Variants in DACH1 observed in about 807,000 individuals in gnomAD.
DACH1 encodes dachshund homolog 1.
A neutral mutation model predicts 54.2 loss-of-function variants in DACH1; 12 were observed. That is an observed-to-expected ratio of 0.22 (90% CI 0.14 to 0.36). The LOEUF (loss-of-function observed/expected upper bound fraction) is 0.36, where lower values mean the gene tolerates loss of function less well. Among genes scored for constraint, DACH1 ranks in the 10% least tolerant of loss-of-function variants. The pLI is 1.00. For synonymous variants in DACH1, 386 were observed against 366.2 expected (o/e 1.05, Z -0.62); for missense variants, 805 against 929.8 (o/e 0.87, Z 1.75).
intron 3 of DACH1, among the ~76,000 whole-genome samples, chr13:71,608,831 T>C (rs965490457): frequency 1.3e-5 from 2 of 152,090 alleles, no homozygotes; most frequent in Admixed American, 1.3e-4. Flanking sequence ...AAACTTTACA[T>C]GCACTGGCCA....
At chr13:71,769,393 AC>A (rs1885763309) in intron 1 of DACH1, among the ~76,000 whole-genome samples, 1 of 151,702 alleles carries the variant, frequency 6.6e-6, no homozygotes, top group Non-Finnish European at 1.5e-5. Context: ...TAGTTTTCAA[AC>A]TTTTGTGTGC....
At chr13:71,638,978 A>T (rs906311630) in intron 2 of DACH1, among the ~76,000 whole-genome samples, 1 of 152,116 alleles carries the variant, frequency 6.6e-6, no homozygotes, top group Non-Finnish European at 1.5e-5. Context: ...TCTGCTCCTG[A>T]CAGTTCCTAT....
At chr13:71,550,696 G>A (rs915395178) in intron 6 of DACH1, among the ~76,000 whole-genome samples, 3 of 152,078 alleles carry the variant, frequency 2.0e-5, no homozygotes, top group East Asian at 1.9e-4. Flanking sequence ...GCTGAGCTAC[G>A]GCTTTGCATA....
At chr13:71,649,531 T>TAGA (rs1878528995) in intron 2 of DACH1, among the ~76,000 whole-genome samples, 1 of 152,156 alleles carries the variant, frequency 6.6e-6, no homozygotes, top group Non-Finnish European at 1.5e-5. Flanking sequence ...CTGTGTAAGG[T>TAGA]AGAACATAAG....
chr13:71,464,506 T>A (rs1421113037), intron 10 of DACH1: 2 of 370,158 alleles, frequency 5.4e-6, no homozygotes, highest in South Asian at 4.1e-5. Flanking sequence ...TTAAAGAAGA[T>A]AAATATTTCA....
chr13:71,748,896 T>TCTCTCTCTCTC (rs1566476848), intron 1 of DACH1, among the ~76,000 whole-genome samples: 1 of 64,946 alleles, frequency 1.5e-5, no homozygotes, highest in Non-Finnish European at 2.9e-5. Context: ...CTTTCTTTCT[T>TCTCTCTCTCTC]TCTCTTTCTT....
intron 6 of DACH1, among the ~76,000 whole-genome samples, chr13:71,501,482 A>C (rs1203308773): frequency 1.3e-5 from 2 of 152,208 alleles, no homozygotes; most frequent in African/African-American, 4.8e-5. Flanking sequence ...AACATTAAAA[A>C]TATGTACAGA....
Position 71,630,519 on chromosome 13 carries a change from A to C in DACH1, c.1126+37T>G. On this transcript the variant is annotated intron_variant, in intron 3 of 10. Coordinates refer to ENST00000613252, the MANE Select transcript of DACH1 (RefSeq NM_080759.6). The stretch of plus-strand genomic sequence containing the variant: ...AGCATTTACTGTAATTCAGTAGCAA[A>C]GTGATCACAATAAGTTTCAGCGAAC... 3.9e-6 allele frequency: 6 copies of C among 1,526,654 alleles called. No individual in the cohort carries two copies. The South Asian group carries it at 7.9e-5, about 20-fold the overall frequency. The allele number at this position is 1,526,654 out of a possible 1,614,324, so 94.6% of individuals were successfully genotyped here. A position where few individuals can be genotyped will look rare whatever the true frequency, so the allele number is the denominator to read the frequency against.
At chr13:71,500,153 A>T (rs1796734194) in intron 6 of DACH1, among the ~76,000 whole-genome samples, 1 of 152,172 alleles carries the variant, frequency 6.6e-6, no homozygotes, top group African/African-American at 2.4e-5. Context: ...TTGTGCTGTG[A>T]CCTTGGCCAA....
intron 3 of DACH1, among the ~76,000 whole-genome samples, chr13:71,607,281 T>C (rs922123441): frequency 1.3e-5 from 2 of 152,026 alleles, no homozygotes; most frequent in Non-Finnish European, 1.5e-5. Context: ...TTCTATTTGA[T>C]ATTTAAAAAT....
chr13:71,475,870 A>AT (rs753698046), intron 8 of DACH1, 21 bp from the exon 9 acceptor site: 1 of 1,440,884 alleles, frequency 6.9e-7, no homozygotes, highest in African/African-American at 1.5e-5. Flanking sequence ...GTGTATGCAT[A>AT]TTATTATTAT....
intron 10 of DACH1, 146 bp downstream of exon 10, chr13:71,474,995 A>G: frequency 1.5e-6 from 1 of 662,672 alleles, no homozygotes; most frequent in South Asian, 1.8e-5. Flanking sequence ...GAATTCACTC[A>G]TATAAACAAG....
chr13:71,668,159 T>A (rs895284068), intron 2 of DACH1, among the ~76,000 whole-genome samples: 11 of 151,926 alleles, frequency 7.2e-5, no homozygotes, highest in African/African-American at 2.7e-4. Context: ...AACTAAACAT[T>A]TTATTGCCTT....
At chr13:71,442,593 G>A (rs1448719815) in intron 10 of DACH1, among the ~76,000 whole-genome samples, 1 of 152,110 alleles carries the variant, frequency 6.6e-6, no homozygotes, top group Non-Finnish European at 1.5e-5. Context: ...CTTTTGCACA[G>A]AGTATACAGT....
intron 1 of DACH1, among the ~76,000 whole-genome samples, chr13:71,861,717 C>T (rs1343300202): frequency 6.6e-6 from 1 of 151,928 alleles, no homozygotes; most frequent in East Asian, 1.9e-4. Flanking sequence ...AGCAGAGTCT[C>T]TCTTCATTTG....
In DACH1 at chr13:71,559,898, C is replaced by G; in HGVS notation, c.1357G>C (p.Gly453Arg). The G allele has an allele frequency of 6.2e-7, 1 of 1,610,084 alleles. No individual in the cohort carries two copies. The highest frequency in any genetic ancestry group is 1.1e-5 in the South Asian group (1 of 90,624). Residue 453 changes from glycine (G) to arginine (R), a missense_variant, in exon 5 of 11, where the codon GGC becomes CGC. This residue lies in a region of DACH1 where 472 missense variants were observed against 545.3 expected (regional missense o/e 0.87). Coordinates refer to ENST00000613252, the MANE Select transcript of DACH1 (RefSeq NM_080759.6). The part of the protein sequence containing the change: ...APSLEEGRRP[G>R]SHPSSHRSSS... Reference sequence around the variant, plus strand: ...CTGCGATGTGATGATGGGTGACTGCCAGGCCTTCTCCCCTCCTCCAGAGAG... The same window carrying G: ...CTGCGATGTGATGATGGGTGACTGCGAGGCCTTCTCCCCTCCTCCAGAGAG...
intron 1 of DACH1, among the ~76,000 whole-genome samples, chr13:71,857,107 C>A (rs1370453640): frequency 6.6e-6 from 1 of 151,624 alleles, no homozygotes; most frequent in Admixed American, 6.6e-5. Context: ...AATACCCAAT[C>A]GTTTAATATC....
At chr13:71,626,812 C>T (rs1023602879) in intron 3 of DACH1, among the ~76,000 whole-genome samples, 7 of 151,976 alleles carry the variant, frequency 4.6e-5, no homozygotes, top group Admixed American at 3.3e-4. Context: ...GAATGAGCAC[C>T]TGCCTGCTTT....
At position 71,439,157 on chromosome 13, in the gene DACH1, G is replaced by T. The variant is rs891218293; in HGVS notation, c.*1498C>A. On this transcript the variant is annotated 3_prime_UTR_variant, in exon 11 of 11. Coordinates refer to ENST00000613252, the MANE Select transcript of DACH1 (RefSeq NM_080759.6). ...ACATTGAAGATTTTGCTGTTTTGTGGTAATAAATAATGTTACGATCATACA... is the reference window on the plus strand; with the variant it reads ...ACATTGAAGATTTTGCTGTTTTGTGTTAATAAATAATGTTACGATCATACA... The T allele has an allele frequency of 3.3e-5, 5 of 152,312 alleles. No individual in the cohort carries two copies. The highest frequency in any genetic ancestry group is 1.2e-4 in the African/African-American group (5 of 41,412). 9.4% of individuals were successfully genotyped at this position (152,312 alleles called of 1,614,324 possible).
Sources: gnomAD v4.1 joint callset for allele counts (sites outside exome capture counted in the v4.1 genomes callset) on GRCh38, gnomAD v4.1.1 for gene constraint, gnomAD v4.1.1 regional missense constraint, MANE v1.5 for transcripts, NCBI Gene and HGNC (gene_info 2026-07-23, HGNC 2026-07-21) for gene names.